DNAH7: variants seen among roughly 807,000 people sequenced by gnomAD.
DNAH7 encodes the protein dynein axonemal heavy chain 7.
In DNAH7, 397 loss-of-function variants were observed where a neutral mutation model predicts 444.6. The observed-to-expected ratio is 0.89, with a 90% CI of 0.82 to 0.97. The LOEUF is 0.97. Ranked by LOEUF, DNAH7 falls within the 50% of genes least tolerant of loss-of-function variation. DNAH7 has a pLI of 0.00. For missense variants in DNAH7, 4,902 were observed against 4,800.8 expected, an observed-to-expected ratio of 1.02 and a Z score of -0.62; for synonymous variants, 1,636 against 1,624.4, an observed-to-expected ratio of 1.01 and a Z score of -0.17.
chr2:195,978,224 A>C (rs532587816), intron 15 of DNAH7, among the ~76,000 whole-genome samples: 55 of 152,288 alleles, frequency 3.6e-4, no homozygotes, highest in South Asian at 8.3e-4. Context: ...ATATAAGCAG[A>C]AACAACAAAA....
At chr2:196,048,953 A>T (rs902172007) in intron 3 of DNAH7, among the ~76,000 whole-genome samples, 1 of 152,202 alleles carries the variant, frequency 6.6e-6, no homozygotes. Context: ...GTGTGTGGTG[A>T]GGACTGTGGC....
At chr2:196,011,762 A>G (rs73042589) in intron 10 of DNAH7, among the ~76,000 whole-genome samples, 10,645 of 152,272 alleles carry the variant, frequency 0.07, 520 homozygotes, top group African/African-American at 0.14. Context: ...TTTCTCAGCA[A>G]AAAAATAATT....
chr2:195,785,622 T>C (rs529874121), intron 58 of DNAH7, among the ~76,000 whole-genome samples: 27 of 149,870 alleles, frequency 1.8e-4, no homozygotes, highest in Non-Finnish European at 3.3e-4. Context: ...TTTTAAATCA[T>C]GAATGAGTTG....
Position 195,895,013 on chromosome 2 carries a change from C to G in DNAH7, c.4859G>C (p.Arg1620Pro), listed in dbSNP as rs199860028. 373 of 1,611,914 alleles carry G rather than the reference C, an allele frequency of 2.3e-4. 1 individual carries two copies. Among genetic ancestry groups the G allele is most frequent in the Non-Finnish European group, 3.0e-4 (359 of 1,178,670 alleles). ...ATCATTTAGTGCTCCAGCTAAGACACGATATGCACTAGTTTTTCCTCCAAA... is the reference window on the plus strand; with the variant it reads ...ATCATTTAGTGCTCCAGCTAAGACAGGATATGCACTAGTTTTTCCTCCAAA... ...EPFGGKTSAY[R>P]VLAGALNDIC... The change falls in exon 30 of 65, where the codon CGT (arginine) becomes CCT (proline). Residue 1620 changes from arginine to proline, a missense_variant. Transcript: ENST00000312428.
chr2:195,806,826 G>A lies in DNAH7; in HGVS notation c.10090C>T (p.His3364Tyr). The A allele has an allele frequency of 6.2e-7, 1 of 1,612,552 alleles. No individual in the cohort carries two copies. Among genetic ancestry groups the A allele is most frequent in the Non-Finnish European group, 8.5e-7 (1 of 1,179,122 alleles). The change falls in exon 54 of 65, where the codon CAC becomes TAC. Residue 3364 changes from histidine to tyrosine, a missense_variant. His to Tyr is a moderately conservative substitution (Grantham distance 83). Coordinates refer to ENST00000312428, the MANE Select transcript of DNAH7 (RefSeq NM_018897.3). ...CATTCTTCAGGGAAAACCTCATGGTGTGGTTCCTAAAATTACAGTGTAAAT... is the reference window on the plus strand; with the variant it reads ...CATTCTTCAGGGAAAACCTCATGGTATGGTTCCTAAAATTACAGTGTAAAT... ...WKKVYDSLEP[H>Y]HEVFPEEWED...
intron 5 of DNAH7, among the ~76,000 whole-genome samples, chr2:196,039,420 A>G (rs144273842): frequency 6.6e-6 from 1 of 152,304 alleles, no homozygotes; most frequent in African/African-American, 2.4e-5. Flanking sequence ...CAACATAAAA[A>G]CATACCTTAA....
At chr2:196,015,582 GCTAT>G (rs1461406798) in intron 9 of DNAH7, among the ~76,000 whole-genome samples, 1 of 151,938 alleles carries the variant, frequency 6.6e-6, no homozygotes, top group East Asian at 1.9e-4. Context: ...CATTACAAAG[GCTAT>G]CTATGACATT....
At chr2:196,026,008 C>T (rs970510870) in intron 7 of DNAH7, among the ~76,000 whole-genome samples, 3 of 151,910 alleles carry the variant, frequency 2.0e-5, no homozygotes, top group Non-Finnish European at 4.4e-5. Flanking sequence ...ATTTTTAAAA[C>T]GGTTCTGGTA....
At chr2:195,830,614 T>G (rs1698018783) in intron 48 of DNAH7, among the ~76,000 whole-genome samples, 1 of 152,200 alleles carries the variant, frequency 6.6e-6, no homozygotes, top group African/African-American at 2.4e-5. Flanking sequence ...AGTTTCAGTG[T>G]TGGTACTTCA....
rs1445861707 is a variant in DNAH7 at position 195,955,608 on chromosome 2, T to C, written c.3078+1653A>G. On this transcript the variant is annotated intron_variant, in intron 19 of 64. Transcript: ENST00000312428. ...AATGTTTTTGTTTGTTTCCAGTGGT[T>C]TCATAGGATAAAAATTTGCCTCCTT... Among the ~76,000 whole-genome samples, 4 of 152,266 alleles carry C rather than the reference T, an allele frequency of 2.6e-5. No homozygotes were observed. The East Asian group carries it at 7.7e-4, about 29-fold the overall frequency.
chr2:195,808,938 C>T, intron 52 of DNAH7, 62 bp from the exon 53 acceptor site: 2 of 1,425,792 alleles, frequency 1.4e-6, no homozygotes, highest in South Asian at 2.6e-5. Context: ...AGTAAGCTTA[C>T]AACCATTATA....
At chr2:195,975,551 TG>T (rs1047118559) in intron 15 of DNAH7, among the ~76,000 whole-genome samples, 1 of 151,926 alleles carries the variant, frequency 6.6e-6, no homozygotes, top group Non-Finnish European at 1.5e-5. Context: ...TCAGAGCCAG[TG>T]GGCTTGAGGT....
intron 21 of DNAH7, among the ~76,000 whole-genome samples, chr2:195,930,705 A>G (rs549815814): frequency 6.6e-6 from 1 of 152,314 alleles, no homozygotes; most frequent in African/African-American, 2.4e-5. Context: ...AAATTGTTCT[A>G]CCAAAAAGAC....
intron 47 of DNAH7, among the ~76,000 whole-genome samples, chr2:195,841,119 T>C (rs958563782): frequency 6.6e-6 from 1 of 151,866 alleles, no homozygotes. Flanking sequence ...CCCACATGCA[T>C]GTGAACCAAT....
chr2:196,019,334 A>C (rs1695226953), intron 8 of DNAH7, 39 bp from the exon 9 acceptor site: 2 of 1,429,174 alleles, frequency 1.4e-6, no homozygotes, highest in South Asian at 1.7e-5. Flanking sequence ...GTCTCAAAAA[A>C]AGTATTTTTA....
intron 57 of DNAH7, among the ~76,000 whole-genome samples, chr2:195,787,378 T>C (rs1461588431): frequency 6.6e-6 from 1 of 152,202 alleles, no homozygotes; most frequent in Non-Finnish European, 1.5e-5. Context: ...CACATAGCTA[T>C]GCACACATAG....
intron 54 of DNAH7, among the ~76,000 whole-genome samples, chr2:195,802,487 C>T (rs114797896): frequency 0.014 from 2,093 of 151,852 alleles, 50 homozygotes; most frequent in African/African-American, 0.047. Flanking sequence ...GCAACGAGAA[C>T]GAAACTCCAT....
chr2:195,850,250 T>A (rs1699273702), intron 46 of DNAH7, among the ~76,000 whole-genome samples: 1 of 148,968 alleles, frequency 6.7e-6, no homozygotes, highest in Non-Finnish European at 1.5e-5. Flanking sequence ...AATCAGGTGA[T>A]GAGCTAGATG....
intron 15 of DNAH7, among the ~76,000 whole-genome samples, chr2:195,973,452 T>C (rs1390526157): frequency 1.3e-5 from 2 of 152,086 alleles, no homozygotes; most frequent in African/African-American, 4.8e-5. Context: ...TATACAGTTT[T>C]TTTTGTTTGT....
Sources: gnomAD v4.1 joint callset for allele counts (sites outside exome capture counted in the v4.1 genomes callset) on GRCh38, gnomAD v4.1.1 for gene constraint, MANE v1.5 for transcripts, NCBI Gene and HGNC (gene_info 2026-07-23, HGNC 2026-07-21) for gene names.